TMEM120B: variants seen among roughly 807,000 people sequenced by gnomAD.
TMEM120B encodes transmembrane protein 120B.
TMEM120B carries 31 observed loss-of-function variants against 55.5 expected under a neutral mutation model. That is an observed-to-expected ratio of 0.56 (90% CI 0.42 to 0.75). The LOEUF (loss-of-function observed/expected upper bound fraction) is 0.75, where lower values mean the gene tolerates loss of function less well. TMEM120B is among the 30% of genes least tolerant of loss of function. The probability of loss-of-function intolerance (pLI) is 0.00; values close to 1 mark genes in which losing one functional copy is unlikely to be tolerated. For synonymous variants in TMEM120B, 203 were observed against 176.3 expected (o/e 1.15, Z -1.20); for missense variants, 399 against 425.5 (o/e 0.94, Z 0.55).
intron 6 of TMEM120B, among the ~76,000 whole-genome samples, chr12:121,768,831 T>C (rs1873930074): frequency 6.6e-6 from 1 of 152,088 alleles, no homozygotes; most frequent in Admixed American, 6.6e-5. Flanking sequence ...ACAACCAGGC[T>C]CTACCCAACT....
chr12:121,729,584 T>C (rs1258160820), intron 1 of TMEM120B, among the ~76,000 whole-genome samples: 1 of 149,870 alleles, frequency 6.7e-6, no homozygotes, highest in South Asian at 2.1e-4. Context: ...AGTGGGAGAA[T>C]AGCGTCAGCC....
chr12:121,771,650 G>A (rs1443395679), intron 8 of TMEM120B, 101 bp downstream of exon 8: 1 of 1,243,702 alleles, frequency 8.0e-7, no homozygotes, highest in Non-Finnish European at 1.2e-6. Flanking sequence ...TGCCTGTGTG[G>A]CAGGGAGACC....
chr12:121,720,112 T>C lies in TMEM120B; in HGVS notation c.69+7148T>C, dbSNP rs188981105. Among the ~76,000 whole-genome samples the C allele has an allele frequency of 2.1e-4, 32 of 152,284 alleles. No individual in the cohort carries two copies. In the East Asian group the frequency reaches 6.0e-3, roughly 28 times the overall value. ...GACACCGAGGCACAGAGGGATTACA[T>C]AACTCAGCTAATAAGTGGCAGGCTC... On this transcript the variant is annotated intron_variant, in intron 1 of 11. Transcript: ENST00000449592.
chr12:121,726,001 C>T (rs1322025830), intron 1 of TMEM120B, among the ~76,000 whole-genome samples: 4 of 147,142 alleles, frequency 2.7e-5, no homozygotes, highest in African/African-American at 1.0e-4. Context: ...CATGCCACTG[C>T]ACTCCAGCCT....
rs534182848 is a variant in TMEM120B, at chr12:121,759,679, A to G, written c.462-1970A>G. ...GGTGAAAGAGTGAAACTCCGTGTCA[A>G]ACAAACAAAACGCTTTAGAGCAGGA... On this transcript the variant is annotated intron_variant, in intron 5 of 11. Transcript: ENST00000449592. Among the ~76,000 whole-genome samples, 3 of 151,774 alleles carry G rather than the reference A, an allele frequency of 2.0e-5. No homozygotes were observed. The East Asian group carries it at 5.9e-4, about 30-fold the overall frequency.
At chr12:121,727,499 G>T (rs573754531) in intron 1 of TMEM120B, among the ~76,000 whole-genome samples, 2 of 141,158 alleles carry the variant, frequency 1.4e-5, no homozygotes, top group African/African-American at 5.3e-5. Flanking sequence ...TTGCACCACT[G>T]CCCTTCCAGC....
chr12:121,781,079 T>G lies in TMEM120B; in HGVS notation c.*5357T>G. 1 of 1,614,170 alleles carries G rather than the reference T, an allele frequency of 6.2e-7. No homozygotes were observed. Among genetic ancestry groups the G allele is most frequent in the Non-Finnish European group, 8.5e-7 (1 of 1,179,990 alleles). ...GGGGCCACCACCCAGGAGGCCGGCC[T>G]CACCTTGATGAGGACGTTGTCGTAG... is the stretch of plus-strand genomic sequence containing the variant. On this transcript the variant is annotated 3_prime_UTR_variant, in exon 12 of 12. Coordinates refer to ENST00000449592, the MANE Select transcript of TMEM120B (RefSeq NM_001080825.2).
intron 5 of TMEM120B, among the ~76,000 whole-genome samples, chr12:121,753,379 T>C (rs1873387615): frequency 6.6e-6 from 1 of 152,076 alleles, no homozygotes; most frequent in Non-Finnish European, 1.5e-5. Context: ...TCTCCCAGCC[T>C]GGGCAACATG....
At chr12:121,740,375 T>A (rs1456760436) in intron 1 of TMEM120B, among the ~76,000 whole-genome samples, 1 of 151,560 alleles carries the variant, frequency 6.6e-6, no homozygotes, top group Non-Finnish European at 1.5e-5. Context: ...TCCCAGCTAC[T>A]CGGGAGGCTG....
At chr12:121,724,900 G>A (rs1592924767) in intron 1 of TMEM120B, among the ~76,000 whole-genome samples, 1 of 152,092 alleles carries the variant, frequency 6.6e-6, no homozygotes, top group Admixed American at 6.6e-5. Flanking sequence ...GTGAGCCACC[G>A]CGCCTGGCCA....
chr12:121,762,081 A>G (rs1873697064), intron 6 of TMEM120B, among the ~76,000 whole-genome samples: 1 of 152,140 alleles, frequency 6.6e-6, no homozygotes, highest in African/African-American at 2.4e-5. Context: ...TCACGAGGTC[A>G]GGAGATGGAG....
chr12:121,770,978 T>G lies in TMEM120B; in HGVS notation c.617+6T>G, dbSNP rs1874026489. 6.2e-7 allele frequency: 1 copy of G among 1,613,422 alleles called. No homozygotes were observed. The highest frequency in any genetic ancestry group is 8.5e-7 in the Non-Finnish European group (1 of 1,179,766). On this transcript the variant is annotated splice_donor_region_variant and intron_variant, in intron 7 of 11. Transcript: ENST00000449592. ...TCCGGAGTGATGCTGACCTGGTGAG[T>G]AGCCCCTCGCTGGGCCCCTCCAGCC...
chr12:121,779,316 A>C lies in TMEM120B; in HGVS notation c.*3594A>C. On this transcript the variant is annotated 3_prime_UTR_variant, in exon 12 of 12. Coordinates refer to ENST00000449592, the MANE Select transcript of TMEM120B (RefSeq NM_001080825.2). ...CCACCATGTCCCAGGGGCAGCCTGG[A>C]GGGGAGTTTGTGGTCAGAGCCCCAG... The C allele has an allele frequency of 3.1e-6, 2 of 653,064 alleles. No homozygotes were observed. Among genetic ancestry groups the C allele is most frequent in the Non-Finnish European group, 5.2e-6 (2 of 387,262 alleles). The allele number at this position is 653,064 out of a possible 1,614,324, so 40.5% of individuals were successfully genotyped here.
intron 5 of TMEM120B, among the ~76,000 whole-genome samples, chr12:121,754,138 C>A (rs1212725190): frequency 2.6e-5 from 4 of 152,270 alleles, no homozygotes; most frequent in Non-Finnish European, 5.9e-5. Flanking sequence ...CACTTGAATG[C>A]CCAAACAAAG....
chr12:121,770,047 C>T (rs1873986022), intron 6 of TMEM120B, among the ~76,000 whole-genome samples: 1 of 152,170 alleles, frequency 6.6e-6, no homozygotes. Flanking sequence ...ACGTCAAGGT[C>T]TTGGAGCAGA....
rs909632709 is a variant in TMEM120B, at chr12:121,781,140, G to T, written c.*5418G>T. The T allele has an allele frequency of 6.2e-7, 1 of 1,614,226 alleles. No individual in the cohort carries two copies. The highest frequency in any genetic ancestry group is 1.7e-5 in the Admixed American group (1 of 60,024). On this transcript the variant is annotated 3_prime_UTR_variant, in exon 12 of 12. Transcript: ENST00000449592. ...TCATGACGTCATAGCAGATGAGCACGAGGTGGGTGTTCTGGTAGGACAGGG... is the reference window on the plus strand; with the variant it reads ...TCATGACGTCATAGCAGATGAGCACTAGGTGGGTGTTCTGGTAGGACAGGG...
At position 121,781,190 on chromosome 12, in the gene TMEM120B, GC is replaced by G. The variant is rs1874443662; in HGVS notation, c.*5471del. 6.2e-7 allele frequency: 1 copy of G among 1,613,948 alleles called. No individual in the cohort carries two copies. The highest frequency in any genetic ancestry group is 1.3e-5 in the African/African-American group (1 of 74,926). On this transcript the variant is annotated 3_prime_UTR_variant, in exon 12 of 12. Transcript: ENST00000449592. Reference sequence around the variant, plus strand: ...GGCCGCAGCCGGTCATAGTCTTCTTGCCCTGAAAGCACAGAGCAGCGGGGGT... The same window carrying G: ...GGCCGCAGCCGGTCATAGTCTTCTTGCCTGAAAGCACAGAGCAGCGGGGGT...
Position 121,780,533 on chromosome 12 carries a change from GCA to G in TMEM120B, c.*4814_*4815del. On this transcript the variant is annotated 3_prime_UTR_variant, in exon 12 of 12. Coordinates refer to ENST00000449592, the MANE Select transcript of TMEM120B (RefSeq NM_001080825.2). ...GGACACGACAGGACGGCGGCTCATA[GCA>G]CAGACTTTGGATTGCAGTGGATGGG... 2.2e-6 allele frequency: 1 copy of G among 455,328 alleles called. No homozygotes were observed. Among genetic ancestry groups the G allele is most frequent in the Non-Finnish European group, 3.9e-6 (1 of 256,698 alleles). The allele number at this position is 455,328 out of a possible 1,614,324, so 28.2% of individuals were successfully genotyped here.
chr12:121,732,783 T>G (rs1018542007), intron 1 of TMEM120B, among the ~76,000 whole-genome samples: 1 of 152,106 alleles, frequency 6.6e-6, no homozygotes, highest in African/African-American at 2.4e-5. Context: ...ATCCAGACCA[T>G]CCTGGTTAAC....
Sources: allele counts gnomAD v4.1 joint callset (sites outside exome capture counted in the v4.1 genomes callset), GRCh38; gene constraint gnomAD v4.1.1; transcripts MANE v1.5; gene names NCBI Gene and HGNC (gene_info 2026-07-23, HGNC 2026-07-21).